PTK2: variants seen among roughly 807,000 people sequenced by gnomAD.
PTK2 encodes the protein focal adhesion kinase 1.
PTK2 carries 45 observed loss-of-function variants against 150.1 expected under a neutral mutation model. The ratio of observed to expected loss-of-function variants is 0.30; its 90% CI spans 0.24 to 0.38. The LOEUF is 0.38. PTK2 is among the 10% of genes least tolerant of loss of function. The probability of loss-of-function intolerance (pLI) is 1.00; values close to 1 mark genes in which losing one functional copy is unlikely to be tolerated. For synonymous variants in PTK2, 432 were observed against 449.2 expected (o/e 0.96, Z 0.48); for missense variants, 919 against 1,307.3 (o/e 0.70, Z 4.58).
rs1168246743 is a variant in PTK2 at position 140,902,947 on chromosome 8, T to G, written c.-32-12178A>C. Among the ~76,000 whole-genome samples, 785 of 143,202 alleles carry G rather than the reference T, an allele frequency of 5.5e-3. 20 individuals are homozygous for G. The highest frequency in any genetic ancestry group is 0.019 in the African/African-American group (748 of 39,554). The allele number at this position is 143,202 out of a possible 152,430, so 93.9% of individuals were successfully genotyped here. ...TTGTTTTTTTTTTTTTTTTTTTTTT[T>G]TTTTTTTTTTTTGCCATGCAGAAGC... On this transcript the variant is annotated intron_variant, in intron 2 of 31. Coordinates refer to ENST00000522684, the Ensembl canonical transcript of PTK2.
intron 7 of PTK2, among the ~76,000 whole-genome samples, chr8:140,835,876 C>A (rs1042394338): frequency 6.6e-6 from 1 of 152,110 alleles, no homozygotes; most frequent in Non-Finnish European, 1.5e-5. Context: ...CCTCCCACAT[C>A]CCAAAGATGT....
chr8:140,919,234 G>A (rs1052586112), intron 2 of PTK2, among the ~76,000 whole-genome samples: 5 of 152,116 alleles, frequency 3.3e-5, no homozygotes, highest in Non-Finnish European at 2.9e-5. Context: ...TCTTTTATAC[G>A]TGTGAGCTCT....
At chr8:140,890,545 T>G (rs201174191) in exon 3 of PTK2, 2 of 1,613,054 alleles carry the variant, frequency 1.2e-6, no homozygotes, top group Non-Finnish European at 1.7e-6. Flanking sequence ...GTACTTACCC[T>G]GACATCAGTA....
At chr8:141,001,065 G>C (rs1019949559) in intron 1 of PTK2, 60 bp downstream of exon 1, 3 of 151,514 alleles carry the variant, frequency 2.0e-5, no homozygotes, top group Non-Finnish European at 4.4e-5. Flanking sequence ...CACGACCGCT[G>C]CACAGAAGGA....
intron 14 of PTK2, among the ~76,000 whole-genome samples, chr8:140,767,089 C>T (rs1259472017): frequency 6.6e-6 from 1 of 152,196 alleles, no homozygotes; most frequent in Non-Finnish European, 1.5e-5. Flanking sequence ...CCTTCAAGGA[C>T]TGTCTCATTT....
At chr8:140,760,151 G>A (rs2100068559) in intron 16 of PTK2, among the ~76,000 whole-genome samples, 1 of 151,704 alleles carries the variant, frequency 6.6e-6, no homozygotes, top group Non-Finnish European at 1.5e-5. Context: ...GAACCTGGAA[G>A]GCGGAGGTTG....
chr8:140,683,697 A>G (rs1460432973), intron 27 of PTK2, among the ~76,000 whole-genome samples: 3 of 152,168 alleles, frequency 2.0e-5, no homozygotes, highest in Non-Finnish European at 4.4e-5. Context: ...GGTTGGTTCA[A>G]CATATGAAAA....
chr8:140,855,940 T>C (rs1442982827), intron 5 of PTK2, among the ~76,000 whole-genome samples: 1 of 152,142 alleles, frequency 6.6e-6, no homozygotes, highest in African/African-American at 2.4e-5. Flanking sequence ...TGATGGTAAG[T>C]GTGTGTTCTA....
chr8:140,710,419 A>G (rs1048268024), intron 23 of PTK2, among the ~76,000 whole-genome samples: 11 of 151,892 alleles, frequency 7.2e-5, no homozygotes, highest in African/African-American at 2.7e-4. Flanking sequence ...GTGATGGTTC[A>G]AGACTTTGGG....
At chr8:140,796,102 G>A (rs1457838624) in intron 12 of PTK2, among the ~76,000 whole-genome samples, 4 of 152,188 alleles carry the variant, frequency 2.6e-5, no homozygotes, top group Non-Finnish European at 5.9e-5. Flanking sequence ...ATCTAGCAGA[G>A]TATCTGGCAC....
chr8:140,881,258 C>G (rs1162557746), intron 3 of PTK2, among the ~76,000 whole-genome samples: 1 of 152,184 alleles, frequency 6.6e-6, no homozygotes, highest in African/African-American at 2.4e-5. Context: ...AGTCCACGTT[C>G]TAGTCTTTAA....
At chr8:140,750,692 C>T (rs2100062145) in intron 17 of PTK2, among the ~76,000 whole-genome samples, 1 of 152,110 alleles carries the variant, frequency 6.6e-6, no homozygotes, top group African/African-American at 2.4e-5. Context: ...TCTTTAAGAG[C>T]TTACATTTGG....
chr8:140,840,620 G>C (rs1364145398), intron 7 of PTK2, among the ~76,000 whole-genome samples: 2 of 152,148 alleles, frequency 1.3e-5, no homozygotes, highest in Non-Finnish European at 2.9e-5. Context: ...TGAAAGAGTA[G>C]AGATGTTTAT....
intron 2 of PTK2, among the ~76,000 whole-genome samples, chr8:140,915,126 T>G (rs538404581): frequency 6.9e-6 from 1 of 144,092 alleles, no homozygotes; most frequent in South Asian, 2.2e-4. Context: ...TCTCATGGGG[T>G]GTACATTTCA....
intron 12 of PTK2, among the ~76,000 whole-genome samples, chr8:140,797,302 G>A (rs1371627679): frequency 6.6e-6 from 1 of 152,106 alleles, no homozygotes; most frequent in Non-Finnish European, 1.5e-5. Context: ...GAATGAGCTG[G>A]AAGAACACTT....
At chr8:140,756,306 G>A (rs1339003722) in intron 16 of PTK2, among the ~76,000 whole-genome samples, 4 of 143,274 alleles carry the variant, frequency 2.8e-5, no homozygotes, top group Non-Finnish European at 3.0e-5. Flanking sequence ...CTGAGCAACA[G>A]AGCAAGGCTC....
intron 2 of PTK2, among the ~76,000 whole-genome samples, chr8:140,902,964 T>C (rs942784282): frequency 2.7e-4 from 31 of 116,004 alleles, no homozygotes; most frequent in African/African-American, 8.9e-4. Context: ...TTTTTTGCCA[T>C]GCAGAAGCTC....
At chr8:141,000,127 C>CACACACACACACACACA (rs58481152) in intron 1 of PTK2, among the ~76,000 whole-genome samples, 2,539 of 123,670 alleles carry the variant, frequency 0.021, 80 homozygotes, top group Middle Eastern at 0.032. Context: ...ACACACACAC[C>CACACACACACACACACA]CCTTCTTCTA....
intron 1 of PTK2, among the ~76,000 whole-genome samples, chr8:140,990,369 G>C (rs1185355350): frequency 6.6e-6 from 1 of 151,704 alleles, no homozygotes; most frequent in Non-Finnish European, 1.5e-5. Context: ...TGAATAGCTG[G>C]GACTATAGGC....
Sources: gnomAD v4.1 joint callset for allele counts (sites outside exome capture counted in the v4.1 genomes callset) on GRCh38, gnomAD v4.1.1 for gene constraint, MANE v1.5 for transcripts, NCBI Gene and HGNC (gene_info 2026-07-23, HGNC 2026-07-21) for gene names.